PTPRN2: variants seen among roughly 807,000 people sequenced by gnomAD.
The protein encoded by PTPRN2 is protein tyrosine phosphatase receptor type N2.
PTPRN2 carries 74 observed loss-of-function variants against 118.8 expected under a neutral mutation model. The observed-to-expected ratio is 0.62, with a 90% CI of 0.52 to 0.76. The LOEUF is 0.76. PTPRN2 is among the 30% of genes least tolerant of loss of function. The pLI is 0.00. For synonymous variants in PTPRN2, 641 were observed against 608.0 expected (o/e 1.05, Z -0.80); for missense variants, 1,481 against 1,394.4 (o/e 1.06, Z -0.99).
chr7:158,323,724 A>G (rs1186892499), intron 2 of PTPRN2, among the ~76,000 whole-genome samples: 1 of 152,150 alleles, frequency 6.6e-6, no homozygotes. Flanking sequence ...CGCAAGCGTC[A>G]CTGTCCCCAA....
intron 12 of PTPRN2, among the ~76,000 whole-genome samples, chr7:157,862,064 T>A (rs1276734149): frequency 2.1e-5 from 3 of 141,476 alleles, no homozygotes; most frequent in Non-Finnish European, 4.6e-5. Flanking sequence ...CACTGCTGCT[T>A]CGAGGACTCT....
chr7:158,037,921 GATGT>G (rs1808199301), intron 11 of PTPRN2, among the ~76,000 whole-genome samples: 1 of 152,238 alleles, frequency 6.6e-6, no homozygotes, highest in Non-Finnish European at 1.5e-5. Context: ...GAGTATCACA[GATGT>G]ATGGTGAGTT....
chr7:158,351,685 T>A (rs1807948636), intron 2 of PTPRN2, among the ~76,000 whole-genome samples: 1 of 152,068 alleles, frequency 6.6e-6, no homozygotes, highest in Non-Finnish European at 1.5e-5. Flanking sequence ...TGCCCTGGCA[T>A]GCAGGCAGCC....
At chr7:158,354,403 A>T (rs1238633171) in intron 2 of PTPRN2, among the ~76,000 whole-genome samples, 3 of 152,188 alleles carry the variant, frequency 2.0e-5, no homozygotes, top group Non-Finnish European at 4.4e-5. Context: ...GCGATTTGTG[A>T]GCTCTCATCA....
At chr7:157,667,397 C>T (rs994828548) in intron 13 of PTPRN2, among the ~76,000 whole-genome samples, 1 of 152,202 alleles carries the variant, frequency 6.6e-6, no homozygotes, top group East Asian at 1.9e-4. Flanking sequence ...GCACACTCGG[C>T]CCGTGGGACA....
At chr7:157,737,744 TGGGTGCCGGCTG>T (rs1315733123) in intron 12 of PTPRN2, among the ~76,000 whole-genome samples, 1 of 152,206 alleles carries the variant, frequency 6.6e-6, no homozygotes. Flanking sequence ...TACAGCATCG[TGGGTGCCGGCTG>T]GGGCGCCAGC....
rs1337325904 is a variant in PTPRN2, at chr7:157,587,387, C to A, written c.2496+7851G>T. Among the ~76,000 whole-genome samples, 1 of 152,160 alleles carries A rather than the reference C, an allele frequency of 6.6e-6. No individual in the cohort carries two copies. The highest frequency in any genetic ancestry group is 2.4e-5 in the African/African-American group (1 of 41,434). On this transcript the variant is annotated intron_variant, in intron 17 of 22. Coordinates refer to ENST00000389418, the MANE Select transcript of PTPRN2 (RefSeq NM_002847.5). This position sits in a 1 kb window ranked among gnomAD's most constrained non-coding sequence, Gnocchi z 5.3. ...GGCCTTGTCACCGGTGGCTGGCAGG[C>A]AGTTGGAAGGAAACACCGTTAAATT... is the stretch of plus-strand genomic sequence containing the variant.
chr7:158,345,869 G>C (rs1481125857), intron 2 of PTPRN2, among the ~76,000 whole-genome samples: 1 of 152,180 alleles, frequency 6.6e-6, no homozygotes, highest in Non-Finnish European at 1.5e-5. Context: ...GGCGGCAGAA[G>C]GAGTGGGGGT....
intron 2 of PTPRN2, among the ~76,000 whole-genome samples, chr7:158,446,712 C>A (rs1237557869): frequency 6.6e-6 from 1 of 152,236 alleles, no homozygotes; most frequent in Non-Finnish European, 1.5e-5. Flanking sequence ...TTTCATCTAT[C>A]TGGATTTTTG....
At chr7:157,566,420 C>G (rs772291475) in intron 21 of PTPRN2, among the ~76,000 whole-genome samples, 1 of 152,242 alleles carries the variant, frequency 6.6e-6, no homozygotes, top group African/African-American at 2.4e-5. Flanking sequence ...CAGAACAAAA[C>G]CCCAGCGCCT....
At chr7:158,165,640 G>A (rs1246939852) in intron 6 of PTPRN2, among the ~76,000 whole-genome samples, 1 of 152,280 alleles carries the variant, frequency 6.6e-6, no homozygotes, top group East Asian at 1.9e-4. Context: ...AAGGAGCAGA[G>A]AGTGCTCACA....
chr7:157,588,117 G>A (rs1800779187), intron 17 of PTPRN2, among the ~76,000 whole-genome samples: 1 of 152,230 alleles, frequency 6.6e-6, no homozygotes, highest in Non-Finnish European at 1.5e-5. Context: ...CGCACCTGAT[G>A]GTGACAGACT....
intron 2 of PTPRN2, among the ~76,000 whole-genome samples, chr7:158,331,461 C>A (rs1266241903): frequency 6.7e-6 from 1 of 148,494 alleles, no homozygotes; most frequent in African/African-American, 2.5e-5. Context: ...AGAGCTGACA[C>A]CCGCAGACGT....
At chr7:157,754,693 G>A (rs566927596) in intron 12 of PTPRN2, among the ~76,000 whole-genome samples, 7 of 152,354 alleles carry the variant, frequency 4.6e-5, no homozygotes, top group South Asian at 2.1e-4. Context: ...TTCACGGGGT[G>A]CCCCCAGCCC....
intron 11 of PTPRN2, among the ~76,000 whole-genome samples, chr7:158,077,972 C>T (rs1198587129): frequency 6.6e-6 from 1 of 152,176 alleles, no homozygotes; most frequent in South Asian, 2.1e-4. Context: ...GTAAGTGCCT[C>T]CTTGAGCAAA....
chr7:157,910,520 C>T (rs1265605843), intron 11 of PTPRN2, among the ~76,000 whole-genome samples: 2 of 152,084 alleles, frequency 1.3e-5, no homozygotes, highest in Admixed American at 1.3e-4. Flanking sequence ...GGAACGGGTC[C>T]AGGATCACGC....
chr7:157,873,733 C>T (rs1270051569), intron 12 of PTPRN2, among the ~76,000 whole-genome samples: 1 of 151,988 alleles, frequency 6.6e-6, no homozygotes, highest in Admixed American at 6.6e-5. Context: ...GAATTTCCTG[C>T]GCTGGTCTCT....
intron 13 of PTPRN2, among the ~76,000 whole-genome samples, chr7:157,658,620 T>A (rs1180370429): frequency 6.6e-6 from 1 of 152,192 alleles, no homozygotes; most frequent in Non-Finnish European, 1.5e-5. Context: ...CTGCTGCCGC[T>A]CACCTTCAGG....
intron 17 of PTPRN2, among the ~76,000 whole-genome samples, chr7:157,588,319 G>A (rs1800791637): frequency 6.6e-6 from 1 of 152,242 alleles, no homozygotes. Flanking sequence ...AGCACAGGGT[G>A]TGGTAGAAGG....
Sources: gnomAD v4.1 joint callset for allele counts (sites outside exome capture counted in the v4.1 genomes callset) on GRCh38, gnomAD v4.1.1 for gene constraint, Gnocchi (gnomAD v3.1) non-coding constraint, MANE v1.5 for transcripts, NCBI Gene and HGNC (gene_info 2026-07-23, HGNC 2026-07-21) for gene names.